The following LOC400499 variants were observed in gnomAD, a reference collection of about 807,000 sequenced individuals.
the LOC400499 span, chr16:11,407,153 G>C: frequency 2.5e-6 from 1 of 398,744 alleles, no homozygotes; most frequent in Non-Finnish European, 4.4e-6. Context: ...CTGTCCCAGA[G>C]GCCCCCCACC....
chr16:11,501,490 G>T, the LOC400499 span, among the ~76,000 whole-genome samples: 1 of 152,070 alleles, frequency 6.6e-6, no homozygotes, highest in Non-Finnish European at 1.5e-5. Flanking sequence ...CCAAGTAGCT[G>T]GGACCACAAG....
the LOC400499 span, among the ~76,000 whole-genome samples, chr16:11,397,664 G>C: frequency 6.6e-6 from 1 of 151,682 alleles, no homozygotes; most frequent in African/African-American, 2.4e-5. Context: ...TTGGTTGTTG[G>C]AACAGAGACT....
the LOC400499 span, among the ~76,000 whole-genome samples, chr16:11,524,269 T>C: frequency 8.5e-5 from 8 of 94,608 alleles, no homozygotes; most frequent in African/African-American, 2.3e-4. Context: ...ACCCACTCCC[T>C]CTCCTATCCA....
At chr16:11,401,577 AGAG>A in the LOC400499 span, among the ~76,000 whole-genome samples, 5 of 152,232 alleles carry the variant, frequency 3.3e-5, no homozygotes, top group Admixed American at 6.5e-5. Context: ...TCCATTTCAC[AGAG>A]GAGGAAATCC....
chr16:11,434,784 G>A, the LOC400499 span, among the ~76,000 whole-genome samples: 4 of 152,166 alleles, frequency 2.6e-5, no homozygotes, highest in South Asian at 4.1e-4. Flanking sequence ...ACAGAAGGGC[G>A]AGTGGTCCCA....
chr16:11,508,984 G>T, the LOC400499 span: 1 of 397,208 alleles, frequency 2.5e-6, no homozygotes, highest in Non-Finnish European at 4.4e-6. Context: ...AGGTAAGAGG[G>T]GTGTCTACGA....
the LOC400499 span, among the ~76,000 whole-genome samples, chr16:11,373,465 C>G: frequency 6.6e-6 from 1 of 152,140 alleles, no homozygotes; most frequent in Non-Finnish European, 1.5e-5. Context: ...TCCTGAGTAG[C>G]TGGGATTACA....
chr16:11,524,365 C>CTCCCCGCTGTTATCCATGCATCCAT, the LOC400499 span, among the ~76,000 whole-genome samples: 1 of 116,432 alleles, frequency 8.6e-6, no homozygotes. Flanking sequence ...CACCCAGCCA[C>CTCCCCGCTGTTATCCATGCATCCAT]CCACCCTCTC....
chr16:11,377,845 G>A, the LOC400499 span, among the ~76,000 whole-genome samples: 5 of 152,116 alleles, frequency 3.3e-5, no homozygotes, highest in Non-Finnish European at 5.9e-5. Context: ...TCAATGTTTT[G>A]GAAGAATATG....
the LOC400499 span, among the ~76,000 whole-genome samples, chr16:11,409,198 T>A: frequency 6.6e-6 from 1 of 151,742 alleles, no homozygotes; most frequent in Non-Finnish European, 1.5e-5. Flanking sequence ...GTGGCGGAGG[T>A]TGCGGTGAGT....
the LOC400499 span, among the ~76,000 whole-genome samples, chr16:11,520,384 T>C: frequency 6.6e-6 from 1 of 152,184 alleles, no homozygotes; most frequent in East Asian, 1.9e-4. Flanking sequence ...AGGCTGGGCA[T>C]AGTGGCTCAC....
the LOC400499 span, among the ~76,000 whole-genome samples, chr16:11,509,035 G>C: frequency 3.3e-5 from 5 of 152,080 alleles, no homozygotes; most frequent in Non-Finnish European, 5.9e-5. Context: ...CCTAAGATGG[G>C]AAGCACCTAT....
At chr16:11,486,177 T>G in the LOC400499 span, among the ~76,000 whole-genome samples, 4 of 97,826 alleles carry the variant, frequency 4.1e-5, no homozygotes, top group African/African-American at 8.3e-5. Flanking sequence ...GATGGGAGGG[T>G]GGGCGGATAA....
the LOC400499 span, among the ~76,000 whole-genome samples, chr16:11,452,151 C>A: frequency 1.6e-4 from 24 of 149,536 alleles, no homozygotes; most frequent in South Asian, 4.2e-4. Context: ...CAGTTGTGAT[C>A]TGGCAAACTC....
chr16:11,383,623 G>C, the LOC400499 span: 2 of 1,232,308 alleles, frequency 1.6e-6, no homozygotes, highest in Non-Finnish European at 2.0e-6. Flanking sequence ...CAGAGTGCTA[G>C]ATGGCTGGGG....
chr16:11,430,563 T>C, the LOC400499 span, among the ~76,000 whole-genome samples: 2 of 152,206 alleles, frequency 1.3e-5, no homozygotes, highest in South Asian at 2.1e-4. Flanking sequence ...TAAAATAATA[T>C]GTTAAATATA....
chr16:11,410,477 A>T, the LOC400499 span, among the ~76,000 whole-genome samples: 1 of 152,216 alleles, frequency 6.6e-6, no homozygotes, highest in East Asian at 1.9e-4. Context: ...AAATTAAATA[A>T]ATAAATAAAG....
chr16:11,477,016 G>C, the LOC400499 span: 3 of 399,996 alleles, frequency 7.5e-6, no homozygotes, highest in Non-Finnish European at 8.8e-6. Flanking sequence ...GCGACCCCCA[G>C]CAGCCCCCTG....
chr16:11,385,424 G>C, the LOC400499 span: 1 of 1,232,186 alleles, frequency 8.1e-7, no homozygotes, highest in Non-Finnish European at 1.0e-6. Context: ...GGTCTGGGTA[G>C]AAGCAGCCCA....
Sources: gnomAD v4.1 joint callset for allele counts (sites outside exome capture counted in the v4.1 genomes callset) on GRCh38, gnomAD v4.1.1 for gene constraint, MANE v1.5 for transcripts.